CCSER1: variants seen among roughly 807,000 people sequenced by gnomAD.
CCSER1 encodes coiled-coil serine rich protein 1, also known as serine-rich coiled-coil domain-containing protein 1.
CCSER1 carries 41 observed loss-of-function variants against 82.0 expected under a neutral mutation model. That is an observed-to-expected ratio of 0.50 (90% confidence interval 0.39 to 0.65). The LOEUF (loss-of-function observed/expected upper bound fraction) is 0.65. Ranked by LOEUF, CCSER1 falls within the 30% of genes least tolerant of loss-of-function variation. The pLI is 0.00. For missense variants in CCSER1, 1,119 were observed against 1,064.2 expected (o/e 1.05, Z -0.72); for synonymous variants, 414 against 383.9 (o/e 1.08, Z -0.92).
chr4:91,163,889 G>A (rs982923459), intron 10 of CCSER1, among the ~76,000 whole-genome samples: 6 of 151,916 alleles, frequency 3.9e-5, no homozygotes, highest in Non-Finnish European at 5.9e-5. Flanking sequence ...ATCCAATTTG[G>A]GAGTCTGTGT....
intron 9 of CCSER1, among the ~76,000 whole-genome samples, chr4:90,943,519 A>G (rs1453623114): frequency 6.6e-6 from 1 of 152,038 alleles, no homozygotes; most frequent in Non-Finnish European, 1.5e-5. Context: ...TACGCAATAT[A>G]CTAATAAACA....
chr4:90,344,126 TGA>T (rs1741914577), intron 3 of CCSER1, among the ~76,000 whole-genome samples: 1 of 152,160 alleles, frequency 6.6e-6, no homozygotes, highest in South Asian at 2.1e-4. Context: ...CATAAATAAG[TGA>T]GAACATATGA....
At chr4:90,725,533 A>G (rs1182090705) in intron 7 of CCSER1, among the ~76,000 whole-genome samples, 3 of 151,460 alleles carry the variant, frequency 2.0e-5, no homozygotes, top group African/African-American at 4.8e-5. Flanking sequence ...AATATTGCCT[A>G]TATCTTTTCA....
At chr4:90,571,791 C>T (rs150472041) in intron 5 of CCSER1, among the ~76,000 whole-genome samples, 70 of 152,192 alleles carry the variant, frequency 4.6e-4, no homozygotes, top group African/African-American at 1.6e-3. Flanking sequence ...CCACTAGTCT[C>T]ATCATATTTT....
chr4:90,540,134 G>A (rs576369702), intron 5 of CCSER1, among the ~76,000 whole-genome samples: 2 of 152,132 alleles, frequency 1.3e-5, no homozygotes, highest in East Asian at 3.9e-4. Flanking sequence ...AGCTTCTTTG[G>A]TAGCTAATGC....
intron 5 of CCSER1, among the ~76,000 whole-genome samples, chr4:90,541,827 T>C (rs1355852008): frequency 6.6e-6 from 1 of 152,068 alleles, no homozygotes; most frequent in Non-Finnish European, 1.5e-5. Flanking sequence ...AAATAAATGT[T>C]TTTCTGTCAT....
At chr4:90,214,232 A>G (rs546522319) in intron 1 of CCSER1, among the ~76,000 whole-genome samples, 1 of 152,234 alleles carries the variant, frequency 6.6e-6, no homozygotes, top group African/African-American at 2.4e-5. Context: ...GATTACATGG[A>G]CAGAGTTGCA....
chr4:91,533,176 A>G (rs1410203124), intron 10 of CCSER1, among the ~76,000 whole-genome samples: 4 of 152,096 alleles, frequency 2.6e-5, no homozygotes, highest in African/African-American at 7.2e-5. Context: ...CTACCTCACT[A>G]TTTTTTCAGA....
chr4:90,382,422 G>T (rs1749341573), intron 3 of CCSER1, among the ~76,000 whole-genome samples: 1 of 151,980 alleles, frequency 6.6e-6, no homozygotes, highest in Non-Finnish European at 1.5e-5. Context: ...CGATCAGTAG[G>T]TACTTAAGCA....
At chr4:91,050,451 G>T (rs994975512) in intron 9 of CCSER1, among the ~76,000 whole-genome samples, 2 of 149,142 alleles carry the variant, frequency 1.3e-5, no homozygotes, top group Non-Finnish European at 3.0e-5. Flanking sequence ...AAAATGCATA[G>T]ACTAAACCAT....
chr4:91,079,439 A>G (rs1375380283), intron 9 of CCSER1, among the ~76,000 whole-genome samples: 1 of 152,216 alleles, frequency 6.6e-6, no homozygotes, highest in African/African-American at 2.4e-5. Context: ...AAACATAGAA[A>G]GGAACATCTG....
At chr4:90,140,548 C>G (rs1254488218) in intron 1 of CCSER1, among the ~76,000 whole-genome samples, 5 of 151,040 alleles carry the variant, frequency 3.3e-5, no homozygotes, top group Admixed American at 3.3e-4. Context: ...AAACTTGTAT[C>G]AATCTTTGTT....
chr4:91,552,526 T>G (rs1391717628), intron 10 of CCSER1, among the ~76,000 whole-genome samples: 1 of 151,638 alleles, frequency 6.6e-6, no homozygotes, highest in Non-Finnish European at 1.5e-5. Context: ...CTTCTTTATA[T>G]TTAGAGCTAG....
intron 9 of CCSER1, among the ~76,000 whole-genome samples, chr4:91,044,231 C>T (rs6836112): frequency 0.3 from 45,541 of 151,958 alleles, 7,121 homozygotes; most frequent in African/African-American, 0.34. Flanking sequence ...AAGGAGGACT[C>T]CGGGAAAGAA....
chr4:90,492,628 T>A (rs1768235476), intron 5 of CCSER1, among the ~76,000 whole-genome samples: 1 of 152,208 alleles, frequency 6.6e-6, no homozygotes, highest in Non-Finnish European at 1.5e-5. Context: ...CAATTTTAGA[T>A]CTTTCCTGCT....
In CCSER1 at chr4:90,312,863, T is replaced by C. The variant is rs1197641767; in HGVS notation, c.1325T>C (p.Val442Ala). Residue 442 changes from valine (V) to alanine (A), a missense_variant and splice_region_variant, in exon 3 of 11, where the codon GTT becomes GCT. Transcript: ENST00000509176. ...SHGYEANPAK[V>A]LASSLSPFRE... ...TTTTTATTTATTTTCCTTTCCATAG[T>C]TCTTGCCAGTAGTCTCAGTCCATTT... 6.4e-7 allele frequency: 1 copy of C among 1,555,160 alleles called. No homozygotes were observed. Among genetic ancestry groups the C allele is most frequent in the African/African-American group, 1.4e-5 (1 of 73,312 alleles).
At chr4:90,427,439 A>T (rs1200278630) in intron 4 of CCSER1, among the ~76,000 whole-genome samples, 1 of 151,292 alleles carries the variant, frequency 6.6e-6, no homozygotes, top group Admixed American at 6.6e-5. Flanking sequence ...ATATGTTTTT[A>T]AAAAATTAAT....
intron 10 of CCSER1, among the ~76,000 whole-genome samples, chr4:91,542,555 A>AT (rs1761660480): frequency 6.6e-6 from 1 of 152,088 alleles, no homozygotes; most frequent in Admixed American, 6.6e-5. Flanking sequence ...TCATTTTGTT[A>AT]TGTACCCAGT....
intron 4 of CCSER1, among the ~76,000 whole-genome samples, chr4:90,466,491 G>A (rs946624248): frequency 1.3e-5 from 2 of 152,178 alleles, no homozygotes; most frequent in Non-Finnish European, 2.9e-5. Context: ...TTCACACAGA[G>A]ACATTAGATA....
Sources: gnomAD v4.1 joint callset for allele counts (sites outside exome capture counted in the v4.1 genomes callset) on GRCh38, gnomAD v4.1.1 for gene constraint, MANE v1.5 for transcripts, NCBI Gene and HGNC (gene_info 2026-07-23, HGNC 2026-07-21) for gene names.